The following AGAP1 variants were observed in gnomAD, a reference collection of about 807,000 sequenced individuals.
AGAP1 encodes arf-GAP with GTPase, ANK repeat and PH domain-containing protein 1.
A neutral mutation model predicts 105.3 loss-of-function variants in AGAP1; 29 were observed. The ratio of observed to expected loss-of-function variants is 0.28; its 90% CI spans 0.21 to 0.38. The LOEUF is 0.38. Among genes scored for constraint, AGAP1 ranks in the 10% least tolerant of loss-of-function variants. The pLI is 1.00. For missense variants in AGAP1, 998 were observed against 1,165.1 expected, an observed-to-expected ratio of 0.86 and a Z score of 2.09; for synonymous variants, 509 against 485.9, an observed-to-expected ratio of 1.05 and a Z score of -0.63.
intron 6 of AGAP1, among the ~76,000 whole-genome samples, chr2:235,756,590 T>C (rs6735607): frequency 0.018 from 2,741 of 152,254 alleles, 93 homozygotes; most frequent in African/African-American, 0.062. Context: ...GTCCACAGTG[T>C]GGTTTTATGC....
chr2:236,018,380 CAGAAG>C, intron 13 of AGAP1, among the ~76,000 whole-genome samples: 1 of 152,316 alleles, frequency 6.6e-6, no homozygotes, highest in East Asian at 1.9e-4. Flanking sequence ...GACCAAGTGG[CAGAAG>C]AGTGGACGTT....
chr2:235,759,554 G>C (rs529638801), intron 6 of AGAP1, among the ~76,000 whole-genome samples: 40 of 152,344 alleles, frequency 2.6e-4, no homozygotes, highest in African/African-American at 9.1e-4. Flanking sequence ...CTGCCTAGTA[G>C]CTTATCTCCC....
At chr2:235,803,321 T>C (rs1957676889) in intron 8 of AGAP1, among the ~76,000 whole-genome samples, 1 of 152,216 alleles carries the variant, frequency 6.6e-6, no homozygotes, top group Admixed American at 6.5e-5. Context: ...AATTGTGAAA[T>C]CATAGCAATT....
rs1331977095 is a variant in AGAP1 at position 235,971,217 on chromosome 2, T to C, written c.1645+2594T>C. On this transcript the variant is annotated intron_variant, in intron 13 of 17. Coordinates refer to ENST00000304032, the MANE Select transcript of AGAP1 (RefSeq NM_001037131.3). This position sits in a 1 kb window ranked among gnomAD's most constrained non-coding sequence, Gnocchi z 4.8. ...ATTTTTCCCTAGGAAAAGTTACTTA[T>C]CAGACTACAAATGAGTCACTTTTGT... Among the ~76,000 whole-genome samples, 1 of 152,232 alleles carries C rather than the reference T, an allele frequency of 6.6e-6. No individual in the cohort carries two copies. The highest frequency in any genetic ancestry group is 1.5e-5 in the Non-Finnish European group (1 of 68,036).
chr2:236,018,900 G>A (rs181176246), intron 13 of AGAP1, among the ~76,000 whole-genome samples: 55 of 152,322 alleles, frequency 3.6e-4, no homozygotes, highest in African/African-American at 1.3e-3. Flanking sequence ...CCGACACTGC[G>A]ATTCCAAGCA....
In AGAP1 at chr2:235,566,780, T is replaced by A. The variant is rs1195579304; in HGVS notation, c.163+71931T>A. On this transcript the variant is annotated intron_variant, in intron 1 of 17. Transcript: ENST00000304032. This position sits in a 1 kb window ranked among gnomAD's most constrained non-coding sequence, Gnocchi z 5.2. ...GCCTGAAGGGGGCCCCGTGTTAGTT[T>A]CCTGTGGCTGCCGTAACAGCCACAA... Among the ~76,000 whole-genome samples, 1 of 152,200 alleles carries A rather than the reference T, an allele frequency of 6.6e-6. No homozygotes were observed. The highest frequency in any genetic ancestry group is 1.5e-5 in the Non-Finnish European group (1 of 68,040).
At chr2:235,528,906 C>T (rs1002062581) in intron 1 of AGAP1, among the ~76,000 whole-genome samples, 1 of 152,194 alleles carries the variant, frequency 6.6e-6, no homozygotes, top group Non-Finnish European at 1.5e-5. Flanking sequence ...AAACTCCTGA[C>T]CTCAGGTGAT....
rs541083798 is a variant in AGAP1 at position 235,886,063 on chromosome 2, C to T, written c.1155+2614C>T. ...AGGTCTCCAGTTCTGCAGCCCTCTC[C>T]ACACCCAGCTTCCATCCATCAGAAC... is the stretch of plus-strand genomic sequence containing the variant. On this transcript the variant is annotated intron_variant, in intron 10 of 17. Coordinates refer to ENST00000304032, the MANE Select transcript of AGAP1 (RefSeq NM_001037131.3). Among the ~76,000 whole-genome samples, 4 of 152,260 alleles carry T rather than the reference C, an allele frequency of 2.6e-5. No homozygotes were observed. In the South Asian group the frequency reaches 8.3e-4, roughly 32 times the overall value.
chr2:235,883,436 A>G lies in AGAP1; in HGVS notation c.1142A>G (p.His381Arg). 6.2e-7 allele frequency: 1 copy of G among 1,613,992 alleles called. No individual in the cohort carries two copies. The highest frequency in any genetic ancestry group is 8.5e-7 in the Non-Finnish European group (1 of 1,179,932). ...TGTGACAATGGCGTGCTGACCTATC[A>G]TCCCAGTTTACATGTGAGTATAGCC... Reference protein sequence around the residue: ...TLCDNGVLTYHPSLHDYMQNV... With the variant: ...TLCDNGVLTYRPSLHDYMQNV... Residue 381 changes from histidine to arginine, a missense_variant, in exon 10 of 18, where the codon CAT becomes CGT. Around this residue, in one of 3 missense-constraint regions of AGAP1, gnomAD observed 735 missense variants for 833.4 expected, o/e 0.88. Coordinates refer to ENST00000304032, the MANE Select transcript of AGAP1 (RefSeq NM_001037131.3). The surrounding 1 kb of genome is among the most constrained non-coding windows in gnomAD (Gnocchi z 4.5).
intron 1 of AGAP1, among the ~76,000 whole-genome samples, chr2:235,652,746 G>C (rs1947637853): frequency 6.6e-6 from 1 of 152,040 alleles, no homozygotes; most frequent in African/African-American, 2.4e-5. Context: ...ACAAAAATTA[G>C]CCAGTTGTGG....
Position 236,062,421 on chromosome 2 carries a change from A to C in AGAP1, c.2114+13140A>C, listed in dbSNP as rs2058225110. ...GGCTGGTATGGGATTCTAGGAGCATACTCAGGACTCGTATTTTGTTGTTGT... is the reference window on the plus strand; with the variant it reads ...GGCTGGTATGGGATTCTAGGAGCATCCTCAGGACTCGTATTTTGTTGTTGT... On this transcript the variant is annotated intron_variant, in intron 16 of 17. Transcript: ENST00000304032. The surrounding 1 kb of genome is among the most constrained non-coding windows in gnomAD (Gnocchi z 4.2). Among the ~76,000 whole-genome samples the C allele has an allele frequency of 6.7e-6, 1 of 150,354 alleles. No homozygotes were observed. The highest frequency in any genetic ancestry group is 2.1e-4 in the South Asian group (1 of 4,798).
At position 236,080,302 on chromosome 2, in the gene AGAP1, G is replaced by A. The variant is rs2058748292; in HGVS notation, c.2114+31021G>A. Among the ~76,000 whole-genome samples the A allele has an allele frequency of 6.6e-6, 1 of 152,230 alleles. No individual in the cohort carries two copies. Among genetic ancestry groups the A allele is most frequent in the Non-Finnish European group, 1.5e-5 (1 of 68,040 alleles). ...GAGAGAAGAATTGTTACCCGGCAAA[G>A]ATCAGACTGCCTCCTCCACCAAGTC... is the stretch of plus-strand genomic sequence containing the variant. On this transcript the variant is annotated intron_variant, in intron 16 of 17. Coordinates refer to ENST00000304032, the MANE Select transcript of AGAP1 (RefSeq NM_001037131.3). The surrounding 1 kb of genome is among the most constrained non-coding windows in gnomAD (Gnocchi z 4.2).
chr2:235,718,329 C>T, intron 3 of AGAP1: 1 of 974,494 alleles, frequency 1.0e-6, no homozygotes, highest in Non-Finnish European at 1.2e-6. Flanking sequence ...AACTCTGAGA[C>T]ACTGAATTTC....
At position 236,044,276 on chromosome 2, in the gene AGAP1, G is replaced by T. The variant is rs1235138963; in HGVS notation, c.1891+3435G>T. Among the ~76,000 whole-genome samples the T allele has an allele frequency of 1.3e-5, 2 of 152,138 alleles. No individual in the cohort carries two copies. Among genetic ancestry groups the T allele is most frequent in the African/African-American group, 4.8e-5 (2 of 41,428 alleles). ...GGACAGTGGGGCCTTTGTTTAGGGTGCCTGTTGCCTGCCTTCTGCCAGGAA... is the reference window on the plus strand; with the variant it reads ...GGACAGTGGGGCCTTTGTTTAGGGTTCCTGTTGCCTGCCTTCTGCCAGGAA... On this transcript the variant is annotated intron_variant, in intron 15 of 17. Transcript: ENST00000304032. This position sits in a 1 kb window ranked among gnomAD's most constrained non-coding sequence, Gnocchi z 5.7.
chr2:235,621,878 G>A lies in AGAP1; in HGVS notation c.164-87301G>A, dbSNP rs942978570. 5.4e-5 allele frequency among the ~76,000 whole-genome samples: 8 copies of A among 149,470 alleles called. No homozygotes were observed. The highest frequency in any genetic ancestry group is 4.1e-4 in the East Asian group (2 of 4,902). On this transcript the variant is annotated intron_variant, in intron 1 of 17. Coordinates refer to ENST00000304032, the MANE Select transcript of AGAP1 (RefSeq NM_001037131.3). This position sits in a 1 kb window ranked among gnomAD's most constrained non-coding sequence, Gnocchi z 4.1. ...TTGGGTAGGAGTGGAGGAGGGGTGC[G>A]ATCGGAAGGGAGTGCCGCGCAGACC...
chr2:235,959,643 G>GC lies in AGAP1; in HGVS notation c.1484-8813dup, dbSNP rs1338041859. On this transcript the variant is annotated intron_variant, in intron 12 of 17. Coordinates refer to ENST00000304032, the MANE Select transcript of AGAP1 (RefSeq NM_001037131.3). This position sits in a 1 kb window ranked among gnomAD's most constrained non-coding sequence, Gnocchi z 7.3. ...TGCCCGACTTCTGTCTCCTGCCACG[G>GC]CCCCCCTCAATTCACATCCTAATTC... Among the ~76,000 whole-genome samples, 7 of 152,016 alleles carry GC rather than the reference G, an allele frequency of 4.6e-5. 1 individual carries two copies. In the South Asian group the frequency reaches 1.5e-3, roughly 32 times the overall value.
chr2:235,548,815 C>T (rs563093557), intron 1 of AGAP1, among the ~76,000 whole-genome samples: 3 of 152,298 alleles, frequency 2.0e-5, no homozygotes, highest in Admixed American at 1.3e-4. Context: ...AGTACCCATG[C>T]GTTTGACTAG....
intron 1 of AGAP1, among the ~76,000 whole-genome samples, chr2:235,526,853 G>A (rs989888427): frequency 4.6e-5 from 7 of 152,250 alleles, no homozygotes; most frequent in South Asian, 2.1e-4. Flanking sequence ...CTCTCAAATC[G>A]TATGTGGGTG....
rs1946818684 is a variant in AGAP1, at chr2:235,631,196, G to A, written c.164-77983G>A. Among the ~76,000 whole-genome samples the A allele has an allele frequency of 6.6e-6, 1 of 152,166 alleles. No individual in the cohort carries two copies. Among genetic ancestry groups the A allele is most frequent in the Non-Finnish European group, 1.5e-5 (1 of 68,038 alleles). On this transcript the variant is annotated intron_variant, in intron 1 of 17. Coordinates refer to ENST00000304032, the MANE Select transcript of AGAP1 (RefSeq NM_001037131.3). The surrounding 1 kb of genome is among the most constrained non-coding windows in gnomAD (Gnocchi z 5.4). ...CTTCTGCAAATAAACACGTTGAAGA[G>A]CCTCCTTCCAGTGGGTAAATGGCAA...
Sources: gnomAD v4.1 joint callset for allele counts (sites outside exome capture counted in the v4.1 genomes callset) on GRCh38, gnomAD v4.1.1 for gene constraint, gnomAD v4.1.1 regional missense constraint, Gnocchi (gnomAD v3.1) non-coding constraint, MANE v1.5 for transcripts, NCBI Gene and HGNC (gene_info 2026-07-23, HGNC 2026-07-21) for gene names.